SCN8A: variants seen among roughly 807,000 people sequenced by gnomAD.
SCN8A encodes sodium channel protein type 8 subunit alpha.
In SCN8A, 30 loss-of-function variants were observed where a neutral mutation model predicts 184.1. The ratio of observed to expected loss-of-function variants is 0.16; its 90% CI spans 0.12 to 0.22. The LOEUF (loss-of-function observed/expected upper bound fraction) is 0.22. Among genes scored for constraint, SCN8A ranks in the 10% least tolerant of loss-of-function variants. The probability of loss-of-function intolerance (pLI) is 1.00; values close to 1 mark genes in which losing one functional copy is unlikely to be tolerated. For missense variants in SCN8A, 1,057 were observed against 2,498.9 expected, an observed-to-expected ratio of 0.42 and a Z score of 12.30; for synonymous variants, 852 against 907.0, an observed-to-expected ratio of 0.94 and a Z score of 1.09.
intron 1 of SCN8A, among the ~76,000 whole-genome samples, chr12:51,651,591 T>C (rs112473155): frequency 0.061 from 9,243 of 152,256 alleles, 332 homozygotes; most frequent in South Asian, 0.14. Context: ...AGGAGACTTA[T>C]TCACTACTAT....
At chr12:51,747,863 TA>T (rs33937617) in intron 13 of SCN8A, among the ~76,000 whole-genome samples, 3 of 148,758 alleles carry the variant, frequency 2.0e-5, no homozygotes, top group African/African-American at 7.4e-5. Flanking sequence ...TCACACACAT[TA>T]AAAAAAAAAA....
At chr12:51,600,403 T>C (rs1483193495) in intron 1 of SCN8A, among the ~76,000 whole-genome samples, 1 of 152,234 alleles carries the variant, frequency 6.6e-6, no homozygotes, top group African/African-American at 2.4e-5. Flanking sequence ...ATGACAGCCA[T>C]ACTATTTGAA....
chr12:51,598,827 T>C (rs186226029), intron 1 of SCN8A, among the ~76,000 whole-genome samples: 7,643 of 152,266 alleles, frequency 0.05, 219 homozygotes, highest in South Asian at 0.079. Flanking sequence ...CCATTGTCTT[T>C]TAAGGAAGAC....
intron 1 of SCN8A, among the ~76,000 whole-genome samples, chr12:51,641,417 G>A (rs1940451491): frequency 6.6e-6 from 1 of 152,232 alleles, no homozygotes; most frequent in South Asian, 2.1e-4. Context: ...TCCTGAATGA[G>A]AAATACCATA....
chr12:51,655,499 A>T (rs556148877), intron 1 of SCN8A, among the ~76,000 whole-genome samples: 1 of 151,884 alleles, frequency 6.6e-6, no homozygotes, highest in East Asian at 1.9e-4. Context: ...CTCCCATCTC[A>T]GCCTCCCCAG....
intron 1 of SCN8A, among the ~76,000 whole-genome samples, chr12:51,639,059 C>T (rs1477925008): frequency 1.3e-5 from 2 of 151,398 alleles, no homozygotes; most frequent in Non-Finnish European, 1.5e-5. Context: ...TGGCTCACTG[C>T]AGCCTTGACC....
At chr12:51,610,238 G>A (rs966501285) in intron 1 of SCN8A, among the ~76,000 whole-genome samples, 5 of 149,208 alleles carry the variant, frequency 3.4e-5, no homozygotes, top group Non-Finnish European at 7.4e-5. Flanking sequence ...TGTATGAAAT[G>A]CCTTTTTCCA....
At position 51,620,036 on chromosome 12, in the gene SCN8A, T is replaced by G. The variant is rs184740186; in HGVS notation, c.-55+28677T>G. ...TTTTCCTGGTCCCTAGATCAAGACA[T>G]TCAGTGTGAAAAAATTTTGTGCAAG... On this transcript the variant is annotated intron_variant, in intron 1 of 26. Coordinates refer to ENST00000627620, the MANE Select transcript of SCN8A (RefSeq NM_001330260.2). Among the ~76,000 whole-genome samples, 887 of 152,322 alleles carry G rather than the reference T, an allele frequency of 5.8e-3. 15 individuals carry two copies. The highest frequency in any genetic ancestry group is 0.021 in the African/African-American group (853 of 41,566).
chr12:51,717,823 A>AGACCTATATATAGCATATGGCATGTAT (rs1941990576), intron 11 of SCN8A, among the ~76,000 whole-genome samples: 1 of 152,218 alleles, frequency 6.6e-6, no homozygotes, highest in Non-Finnish European at 1.5e-5. Context: ...TGTTTTCTAG[A>AGACCTATATATAGCATATGGCATGTAT]GACCTATATA....
chr12:51,789,313 C>T lies in SCN8A; in HGVS notation c.4314C>T (p.Ile1438=), dbSNP rs1348095911. Reference sequence around the variant, plus strand: ...AGCAGCCTAAGTATGAGGACAATATCTACATGTACATCTATTTTGTCATCT... The same window carrying T: ...AGCAGCCTAAGTATGAGGACAATATTTACATGTACATCTATTTTGTCATCT... The part of the protein sequence containing the change: ...PDEQPKYEDN[I]YMYIYFVIFI... Residue 1438 remains isoleucine, a synonymous_variant, in exon 24 of 27, where the codon ATC becomes ATT. Coordinates refer to ENST00000627620, the MANE Select transcript of SCN8A (RefSeq NM_001330260.2). 3.7e-6 allele frequency: 6 copies of T among 1,613,924 alleles called. No homozygotes were observed. Among genetic ancestry groups the T allele is most frequent in the Non-Finnish European group, 5.1e-6 (6 of 1,179,802 alleles).
At chr12:51,735,086 ACAAAT>A (rs1290981194) in intron 12 of SCN8A, among the ~76,000 whole-genome samples, 1 of 152,194 alleles carries the variant, frequency 6.6e-6, no homozygotes, top group East Asian at 1.9e-4. Flanking sequence ...AATAGTTTCC[ACAAAT>A]CCTTATGTTT....
chr12:51,656,397 C>A (rs1360685010), intron 1 of SCN8A, among the ~76,000 whole-genome samples: 2 of 152,058 alleles, frequency 1.3e-5, no homozygotes, highest in East Asian at 3.9e-4. Flanking sequence ...GGAATAGGCA[C>A]AGATTTCCTA....
chr12:51,717,622 T>G (rs1941987472), intron 11 of SCN8A, among the ~76,000 whole-genome samples: 1 of 152,198 alleles, frequency 6.6e-6, no homozygotes, highest in South Asian at 2.1e-4. Flanking sequence ...TCCAGCAACA[T>G]GGAAGAAGGA....
intron 1 of SCN8A, among the ~76,000 whole-genome samples, chr12:51,650,074 G>A (rs1184458239): frequency 6.6e-6 from 1 of 152,110 alleles, no homozygotes; most frequent in Non-Finnish European, 1.5e-5. Context: ...TAGGGCAAGG[G>A]TAAAATGCCA....
Position 51,794,529 on chromosome 12 carries a change from T to C in SCN8A, c.4683T>C (p.Phe1561=). Residue 1561 remains phenylalanine, a synonymous_variant, in exon 26 of 27, where the codon TTT becomes TTC. Coordinates refer to ENST00000627620, the MANE Select transcript of SCN8A (RefSeq NM_001330260.2). The part of the protein sequence containing the change: ...ENILYWINLV[F]VIFFTCECVL... The stretch of plus-strand genomic sequence containing the variant: ...TCCTCTACTGGATTAACCTGGTGTT[T>C]GTTATCTTCTTCACCTGTGAGTGTG... 6 of 1,614,054 alleles carry C rather than the reference T, an allele frequency of 3.7e-6. No homozygotes were observed. The highest frequency in any genetic ancestry group is 5.1e-6 in the Non-Finnish European group (6 of 1,179,898).
chr12:51,690,038 A>G (rs1193082205), intron 6 of SCN8A: 2 of 152,158 alleles, frequency 1.3e-5, no homozygotes, highest in Non-Finnish European at 2.9e-5. Context: ...TCCTTAATTT[A>G]ATTTAAATCA....
At chr12:51,788,858 G>A in intron 23 of SCN8A, 110 bp downstream of exon 23, 1 of 813,324 alleles carries the variant, frequency 1.2e-6, no homozygotes, top group Non-Finnish European at 1.9e-6. Context: ...TGGAGGAGTT[G>A]ACGTTTCTCT....
intron 2 of SCN8A, among the ~76,000 whole-genome samples, chr12:51,678,398 T>A (rs1941263662): frequency 6.6e-6 from 1 of 152,228 alleles, no homozygotes; most frequent in Non-Finnish European, 1.5e-5. Flanking sequence ...TCTACAAGGA[T>A]AAAATGTGAG....
rs1390421792 is a variant in SCN8A, at chr12:51,808,206, G to A, written c.*777G>A. On this transcript the variant is annotated 3_prime_UTR_variant, in exon 27 of 27. Transcript: ENST00000627620. Reference sequence around the variant, plus strand: ...AGCCCTGCACCGTTCACTGTATTTGGAGAAAATGGTAAGAGTTCCATACCG... The same window carrying A: ...AGCCCTGCACCGTTCACTGTATTTGAAGAAAATGGTAAGAGTTCCATACCG... 1 of 152,618 alleles carries A rather than the reference G, an allele frequency of 6.6e-6. No homozygotes were observed. The highest frequency in any genetic ancestry group is 1.5e-5 in the Non-Finnish European group (1 of 68,124). The allele number at this position is 152,618 out of a possible 1,614,324, so 9.5% of individuals were successfully genotyped here.
Sources: gnomAD v4.1 joint callset for allele counts (sites outside exome capture counted in the v4.1 genomes callset) on GRCh38, gnomAD v4.1.1 for gene constraint, MANE v1.5 for transcripts, NCBI Gene and HGNC (gene_info 2026-07-23, HGNC 2026-07-21) for gene names.